The following CCDC144A variants were observed in gnomAD, a reference collection of about 807,000 sequenced individuals.
CCDC144A encodes coiled-coil domain containing 144A.
In CCDC144A, 41 loss-of-function variants were observed where a neutral mutation model predicts 143.8. The ratio of observed to expected loss-of-function variants is 0.29; its 90% CI spans 0.22 to 0.37. The LOEUF (loss-of-function observed/expected upper bound fraction) is 0.37, where lower values mean the gene tolerates loss of function less well. Among genes scored for constraint, CCDC144A ranks in the 10% least tolerant of loss-of-function variants. The probability of loss-of-function intolerance (pLI) is 1.00; values close to 1 mark genes in which losing one functional copy is unlikely to be tolerated. For missense variants in CCDC144A, 637 were observed against 1,488.8 expected (o/e 0.43, Z 9.41); for synonymous variants, 242 against 517.9 (o/e 0.47, Z 7.23).
Position 16,777,367 on chromosome 17 carries a change from C to T in CCDC144A, c.*3734C>T, listed in dbSNP as rs1389112739. On this transcript the variant is annotated 3_prime_UTR_variant, in exon 17 of 17. Coordinates refer to ENST00000399273, the MANE Select transcript of CCDC144A (RefSeq NM_001382000.1). Reference sequence around the variant, plus strand: ...TATACCCTGGAACATATGGACTTAACAGATGCTTACAGAACATTCTACCCA... The same window carrying T: ...TATACCCTGGAACATATGGACTTAATAGATGCTTACAGAACATTCTACCCA... 6.6e-6 allele frequency: 1 copy of T among 152,168 alleles called. No homozygotes were observed. The highest frequency in any genetic ancestry group is 1.5e-5 in the Non-Finnish European group (1 of 68,072). 9.4% of individuals were successfully genotyped at this position (152,168 alleles called of 1,614,324 possible). A position where few individuals can be genotyped will look rare whatever the true frequency, so the allele number is the denominator to read the frequency against.
At chr17:16,759,284 T>A (rs1915247145) in intron 12 of CCDC144A, among the ~76,000 whole-genome samples, 1 of 152,250 alleles carries the variant, frequency 6.6e-6, no homozygotes, top group Non-Finnish European at 1.5e-5. Context: ...TAATTTCCAT[T>A]TACAGTGACT....
chr17:16,679,754 A>T, the CCDC144A span, among the ~76,000 whole-genome samples: 1 of 152,154 alleles, frequency 6.6e-6, no homozygotes, highest in Non-Finnish European at 1.5e-5. Flanking sequence ...CTATAGAATT[A>T]TCTTGATCCA....
chr17:16,686,651 A>C (rs1053000760), upstream of CCDC144A, among the ~76,000 whole-genome samples: 2 of 151,482 alleles, frequency 1.3e-5, no homozygotes, highest in African/African-American at 4.9e-5. Flanking sequence ...CACAAAAAAA[A>C]ATTGTTTTTT....
chr17:16,672,699 C>T, the CCDC144A span, among the ~76,000 whole-genome samples: 6 of 152,064 alleles, frequency 3.9e-5, no homozygotes, highest in African/African-American at 1.2e-4. Flanking sequence ...AGATGGTTTC[C>T]TCAGTGAAAA....
At chr17:16,717,335 C>T (rs138174007) in intron 6 of CCDC144A, among the ~76,000 whole-genome samples, 4,737 of 151,978 alleles carry the variant, frequency 0.031, 235 homozygotes, top group African/African-American at 0.11. Flanking sequence ...TGGTCTCGAT[C>T]TATTGACCTC....
chr17:16,683,507 C>T, the CCDC144A span: 13 of 1,504,234 alleles, frequency 8.6e-6, no homozygotes, highest in South Asian at 4.6e-5. Flanking sequence ...CTCGCGGGTT[C>T]GGGATGTTCT....
At chr17:16,702,686 A>T (rs1490993480) in intron 2 of CCDC144A, among the ~76,000 whole-genome samples, 2 of 152,184 alleles carry the variant, frequency 1.3e-5, no homozygotes, top group African/African-American at 4.8e-5. Context: ...CAGTGTCAGG[A>T]TAGAAGGAAG....
intron 12 of CCDC144A, among the ~76,000 whole-genome samples, chr17:16,742,863 T>G (rs1419913652): frequency 2.0e-5 from 3 of 152,168 alleles, no homozygotes; most frequent in Admixed American, 1.3e-4. Context: ...TATGTCTTCT[T>G]TTTAGAAATG....
the CCDC144A span, among the ~76,000 whole-genome samples, chr17:16,682,883 G>GTTTTTTTT: frequency 3.0e-3 from 141 of 46,450 alleles, 46 homozygotes; most frequent in Non-Finnish European, 4.8e-3. Flanking sequence ...TGGATTCTCT[G>GTTTTTTTT]TTTTTTTTTT....
At chr17:16,729,840 G>A (rs1049395111) in intron 9 of CCDC144A, among the ~76,000 whole-genome samples, 2 of 143,746 alleles carry the variant, frequency 1.4e-5, no homozygotes, top group Non-Finnish European at 3.0e-5. Flanking sequence ...CTGGGTGACA[G>A]AGCGAGACTC....
At chr17:16,668,658 T>C in the CCDC144A span, among the ~76,000 whole-genome samples, 1 of 152,274 alleles carries the variant, frequency 6.6e-6, no homozygotes, top group Non-Finnish European at 1.5e-5. Context: ...ATCTGTTTTA[T>C]AGCCACATTG....
At chr17:16,714,916 C>A (rs1912656163) in intron 6 of CCDC144A, among the ~76,000 whole-genome samples, 1 of 152,162 alleles carries the variant, frequency 6.6e-6, no homozygotes, top group African/African-American at 2.4e-5. Context: ...TGCTTAAACA[C>A]CCCAGGCACA....
chr17:16,679,448 G>C, the CCDC144A span, among the ~76,000 whole-genome samples: 1 of 151,890 alleles, frequency 6.6e-6, no homozygotes, highest in East Asian at 1.9e-4. Context: ...CAATCATTTC[G>C]TGTTGAGGTT....
chr17:16,673,035 A>G, the CCDC144A span, among the ~76,000 whole-genome samples: 2 of 152,162 alleles, frequency 1.3e-5, 1 homozygote, highest in Admixed American at 1.3e-4. Context: ...AAATTTAACA[A>G]ATGATAAACC....
chr17:16,738,796 TG>T (rs1212519690), intron 12 of CCDC144A, among the ~76,000 whole-genome samples: 2 of 152,118 alleles, frequency 1.3e-5, no homozygotes, highest in Admixed American at 6.5e-5. Flanking sequence ...TCCTTTCTCT[TG>T]GGTATATACA....
rs557912298 is a variant in CCDC144A at position 16,756,067 on chromosome 17, C to G, written c.3373-5358C>G. 2.4e-4 allele frequency among the ~76,000 whole-genome samples: 36 copies of G among 152,328 alleles called. No individual in the cohort carries two copies. In the South Asian group the frequency reaches 7.5e-3, roughly 32 times the overall value. Reference sequence around the variant, plus strand: ...TGTCTTTGACTTTTGACATTTGACTCTGATGTGCTGCAGAGAAGACATTTT... The same window carrying G: ...TGTCTTTGACTTTTGACATTTGACTGTGATGTGCTGCAGAGAAGACATTTT... On this transcript the variant is annotated intron_variant, in intron 12 of 16. Coordinates refer to ENST00000399273, the MANE Select transcript of CCDC144A (RefSeq NM_001382000.1).
the CCDC144A span, among the ~76,000 whole-genome samples, chr17:16,682,240 A>T: frequency 1.9e-4 from 28 of 149,876 alleles, no homozygotes; most frequent in Non-Finnish European, 3.0e-4. Context: ...TGTGTGTGTG[A>T]GATGGAGAGA....
upstream of CCDC144A, among the ~76,000 whole-genome samples, chr17:16,688,190 A>C (rs953392718): frequency 6.6e-6 from 1 of 152,060 alleles, no homozygotes. Context: ...TATCCTTGTC[A>C]GGTCACAGTC....
In CCDC144A at chr17:16,776,000, A is replaced by C. The variant is rs1470950374; in HGVS notation, c.*2367A>C. The C allele has an allele frequency of 1.3e-5, 2 of 152,240 alleles. No individual in the cohort carries two copies. Among genetic ancestry groups the C allele is most frequent in the African/African-American group, 4.8e-5 (2 of 41,462 alleles). 9.4% of individuals were successfully genotyped at this position (152,240 alleles called of 1,614,324 possible). ...TGCTTCCTTTTGTCAGGTTTGTCAA[A>C]GATCACATGGTTGTAGGTGTGTGGT... On this transcript the variant is annotated 3_prime_UTR_variant, in exon 17 of 17. Coordinates refer to ENST00000399273, the MANE Select transcript of CCDC144A (RefSeq NM_001382000.1).
Sources: gnomAD v4.1 joint callset for allele counts (sites outside exome capture counted in the v4.1 genomes callset) on GRCh38, gnomAD v4.1.1 for gene constraint, MANE v1.5 for transcripts, NCBI Gene and HGNC (gene_info 2026-07-23, HGNC 2026-07-21) for gene names.